The following GRIK4 variants were observed in gnomAD, a reference collection of about 807,000 sequenced individuals.
GRIK4 encodes the protein glutamate receptor ionotropic, kainate 4.
A neutral mutation model predicts 104.9 loss-of-function variants in GRIK4; 40 were observed. The observed-to-expected ratio is 0.38, with a 90% confidence interval of 0.30 to 0.50. The LOEUF (loss-of-function observed/expected upper bound fraction) is 0.50. Ranked by LOEUF, GRIK4 falls within the 20% of genes least tolerant of loss-of-function variation. GRIK4 has a pLI of 0.93. For missense variants in GRIK4, 1,047 were observed against 1,308.1 expected, an observed-to-expected ratio of 0.80 and a Z score of 3.08; for synonymous variants, 485 against 524.9, an observed-to-expected ratio of 0.92 and a Z score of 1.04.
intron 8 of GRIK4, 74 bp from the exon 9 acceptor site, chr11:120,861,885 T>G: frequency 8.8e-7 from 1 of 1,132,262 alleles, no homozygotes; most frequent in Non-Finnish European, 1.3e-6. Flanking sequence ...TACCCAGATA[T>G]GCTTTACCAA....
intron 3 of GRIK4, among the ~76,000 whole-genome samples, chr11:120,727,411 T>C (rs1012025449): frequency 6.6e-6 from 1 of 152,140 alleles, no homozygotes; most frequent in Non-Finnish European, 1.5e-5. Context: ...TTAAACGCTA[T>C]ATAAAACAAC....
chr11:120,941,737 C>G (rs894913965), intron 14 of GRIK4, among the ~76,000 whole-genome samples: 4 of 151,924 alleles, frequency 2.6e-5, no homozygotes, highest in African/African-American at 7.3e-5. Flanking sequence ...CCAAGGGACA[C>G]CGGGTATTGC....
intron 3 of GRIK4, among the ~76,000 whole-genome samples, chr11:120,785,612 T>C (rs1328585786): frequency 6.6e-6 from 1 of 152,194 alleles, no homozygotes; most frequent in Admixed American, 6.5e-5. Context: ...GTCCGAGAGT[T>C]AGCTCATATC....
chr11:120,653,952 C>T (rs555360599), intron 2 of GRIK4, among the ~76,000 whole-genome samples, 160 bp downstream of exon 2: 11 of 152,334 alleles, frequency 7.2e-5, no homozygotes, highest in Admixed American at 2.0e-4. Context: ...CAGCAAGGCT[C>T]CTACCTGTTG....
At chr11:120,958,643 G>A (rs1238251771) in intron 16 of GRIK4, among the ~76,000 whole-genome samples, 1 of 152,214 alleles carries the variant, frequency 6.6e-6, no homozygotes, top group African/African-American at 2.4e-5. Context: ...GCTCCACTGA[G>A]CCCTCCGGAA....
intron 1 of GRIK4, among the ~76,000 whole-genome samples, chr11:120,618,799 G>C (rs1949147383): frequency 6.6e-6 from 1 of 152,248 alleles, no homozygotes; most frequent in Admixed American, 6.5e-5. Flanking sequence ...TGCAAGAGTT[G>C]AGGCTTGGGA....
chr11:120,751,631 C>T (rs1052785400), intron 3 of GRIK4, among the ~76,000 whole-genome samples: 4 of 152,156 alleles, frequency 2.6e-5, no homozygotes, highest in African/African-American at 9.7e-5. Flanking sequence ...AAGTCAGACA[C>T]ACAGTCGGAC....
intron 3 of GRIK4, among the ~76,000 whole-genome samples, chr11:120,718,276 C>T (rs1005204933): frequency 5.3e-5 from 8 of 151,136 alleles, no homozygotes; most frequent in African/African-American, 7.4e-5. Context: ...CCGTCTTTAC[C>T]CAGGCTTTCT....
intron 1 of GRIK4, among the ~76,000 whole-genome samples, chr11:120,592,328 G>C (rs775202790): frequency 4.6e-5 from 7 of 152,212 alleles, no homozygotes; most frequent in Non-Finnish European, 1.0e-4. Flanking sequence ...TAACGTGTGT[G>C]TGCACACGCC....
intron 11 of GRIK4, among the ~76,000 whole-genome samples, chr11:120,891,062 G>T (rs556304326): frequency 6.6e-6 from 1 of 152,340 alleles, no homozygotes; most frequent in South Asian, 2.1e-4. Context: ...TACTTGAGAG[G>T]GAACAAAGTG....
intron 13 of GRIK4, among the ~76,000 whole-genome samples, chr11:120,934,204 CAAAAAAAAAAAA>C (rs35705174): frequency 9.2e-5 from 5 of 54,238 alleles, no homozygotes; most frequent in Admixed American, 2.3e-4. Flanking sequence ...GACTCCGTCT[CAAAAAAAAAAAA>C]AAAAAAAAAA....
intron 1 of GRIK4, among the ~76,000 whole-genome samples, chr11:120,646,973 A>G (rs1949553471): frequency 6.6e-6 from 1 of 152,222 alleles, no homozygotes; most frequent in Admixed American, 6.5e-5. Context: ...GGATCTGACC[A>G]CAGTTACCCA....
At chr11:120,874,044 C>T (rs753546634) in intron 9 of GRIK4, 22 bp from the exon 10 acceptor site, 11 of 1,589,928 alleles carry the variant, frequency 6.9e-6, no homozygotes, top group Non-Finnish European at 9.5e-6. Context: ...CCTCCCTCCG[C>T]CTGCTCCCCG....
chr11:120,868,097 T>C (rs775905487), intron 9 of GRIK4: 1 of 152,126 alleles, frequency 6.6e-6, no homozygotes, highest in African/African-American at 2.4e-5. Flanking sequence ...AATCCCGTCA[T>C]CTGGGGCATG....
chr11:120,701,678 T>C (rs61901372), intron 3 of GRIK4, among the ~76,000 whole-genome samples: 20,142 of 152,220 alleles, frequency 0.13, 1,499 homozygotes, highest in African/African-American at 0.19. Flanking sequence ...ATTTTTAATT[T>C]CTTTAGGAAC....
intron 19 of GRIK4, among the ~76,000 whole-genome samples, chr11:120,968,422 G>A (rs1158832322): frequency 6.6e-6 from 1 of 152,092 alleles, no homozygotes; most frequent in Non-Finnish European, 1.5e-5. Context: ...ACCTGTCCAC[G>A]CTCTGCCCGA....
chr11:120,599,999 C>T (rs2135127547), intron 1 of GRIK4, among the ~76,000 whole-genome samples: 1 of 152,350 alleles, frequency 6.6e-6, no homozygotes, highest in East Asian at 1.9e-4. Flanking sequence ...GCATGAGCAC[C>T]TAGCATGGGG....
rs1315869683 is a variant in GRIK4, at chr11:120,885,139, C to T, written c.1164+9896C>T. ...ATGTTCTTTGGCAGTAAATCTCCAG[C>T]ATGCCTGAGCTCTCTGATAAATTCT... On this transcript the variant is annotated intron_variant, in intron 11 of 20. Transcript: ENST00000527524. 2.0e-5 allele frequency among the ~76,000 whole-genome samples: 3 copies of T among 152,386 alleles called. No individual in the cohort carries two copies. In the East Asian group the frequency reaches 5.8e-4, roughly 29 times the overall value.
intron 1 of GRIK4, among the ~76,000 whole-genome samples, chr11:120,521,447 A>G (rs1675140923): frequency 6.6e-6 from 1 of 152,130 alleles, no homozygotes; most frequent in East Asian, 1.9e-4. Context: ...CCTCTCCCCC[A>G]AAGAGCTCAC....
Sources: allele counts gnomAD v4.1 joint callset (sites outside exome capture counted in the v4.1 genomes callset), GRCh38; gene constraint gnomAD v4.1.1; transcripts MANE v1.5; gene names NCBI Gene and HGNC (gene_info 2026-07-23, HGNC 2026-07-21).